The following KY variants were observed in gnomAD, a reference collection of about 807,000 sequenced individuals.
KY encodes the protein kyphoscoliosis peptidase.
Under a neutral mutation model 76.1 loss-of-function variants are expected in KY, and 43 were observed. The ratio of observed to expected loss-of-function variants is 0.57; its 90% confidence interval spans 0.44 to 0.73. KY has a LOEUF of 0.73. Among genes scored for constraint, KY ranks in the 30% least tolerant of loss-of-function variants. The pLI is 0.00. For missense variants in KY, 722 were observed against 828.9 expected (o/e 0.87, Z 1.58); for synonymous variants, 277 against 326.2 (o/e 0.85, Z 1.63).
intron 3 of KY, among the ~76,000 whole-genome samples, chr3:134,640,959 C>T (rs1965673145): frequency 6.6e-6 from 1 of 152,306 alleles, no homozygotes; most frequent in African/African-American, 2.4e-5. Context: ...AGAAGCCTCC[C>T]AGGCCCTGCC....
At chr3:134,623,357 G>GT (rs1056868180) in intron 6 of KY, among the ~76,000 whole-genome samples, 24 of 152,142 alleles carry the variant, frequency 1.6e-4, no homozygotes, top group African/African-American at 5.6e-4. Flanking sequence ...CACAGGTAAT[G>GT]GCCTGGCCTC....
chr3:134,607,710 A>G lies in KY; in HGVS notation c.1090+939T>C, dbSNP rs1190302567. ...GCCCCCGTATGCCTCAGAGTGTGCA[A>G]ACATACTCAGCTGCCATGGCTCCGT... On this transcript the variant is annotated intron_variant, in intron 10 of 10. Coordinates refer to ENST00000423778, the MANE Select transcript of KY (RefSeq NM_178554.6). 8 of 985,826 alleles carry G rather than the reference A, an allele frequency of 8.1e-6. No homozygotes were observed. The African/African-American group carries it at 1.2e-4, about 15-fold the overall frequency. 61.1% of individuals were successfully genotyped at this position (985,826 alleles called of 1,614,324 possible).
rs202166514 is a variant in KY, at chr3:134,620,690, G to A, written c.592+59C>T. The A allele has an allele frequency of 3.7e-4, 442 of 1,200,076 alleles. 1 individual carries two copies. Among genetic ancestry groups the A allele is most frequent in the Non-Finnish European group, 8.7e-5 (71 of 818,236 alleles). 74.3% of individuals were successfully genotyped at this position (1,200,076 alleles called of 1,614,324 possible). A position where few individuals can be genotyped will look rare whatever the true frequency, so the allele number is the denominator to read the frequency against. On this transcript the variant is annotated intron_variant, in intron 7 of 10. Transcript: ENST00000423778. Reference sequence around the variant, plus strand: ...ACGTGAATAAGCTGATAGGAGCAGAGGCCTGCAGGGAATGGAAGCAAGGGA... The same window carrying A: ...ACGTGAATAAGCTGATAGGAGCAGAAGCCTGCAGGGAATGGAAGCAAGGGA...
intron 6 of KY, among the ~76,000 whole-genome samples, chr3:134,621,715 AGG>A (rs1373311019): frequency 3.9e-5 from 6 of 152,200 alleles, no homozygotes; most frequent in Non-Finnish European, 8.8e-5. Flanking sequence ...AACAGATAAA[AGG>A]GCATTCGTGA....
rs147028006 is a variant in KY at position 134,633,080 on chromosome 3, G to A, written c.263-3385C>T. 2.9e-4 allele frequency among the ~76,000 whole-genome samples: 44 copies of A among 152,174 alleles called. 1 individual carries two copies. The highest frequency in any genetic ancestry group is 1.0e-3 in the African/African-American group (43 of 41,572). On this transcript the variant is annotated intron_variant, in intron 3 of 10. Transcript: ENST00000423778. ...CTCATATAGGAAGCAGATAACCTAA[G>A]TATTCCCAATACCTATTTGTTAAAT... is the stretch of plus-strand genomic sequence containing the variant.
intron 8 of KY, among the ~76,000 whole-genome samples, chr3:134,617,188 G>A (rs928331791): frequency 1.3e-5 from 2 of 152,164 alleles, no homozygotes; most frequent in Non-Finnish European, 2.9e-5. Context: ...GGATAAAGAG[G>A]AATATATCCT....
intron 10 of KY, chr3:134,607,141 A>G (rs566354018): frequency 2.0e-6 from 2 of 985,422 alleles, no homozygotes; most frequent in South Asian, 9.4e-5. Context: ...GTTCTTTCCG[A>G]TATTTCCACG....
intron 3 of KY, chr3:134,640,035 A>G (rs1419152658): frequency 6.5e-6 from 1 of 154,630 alleles, no homozygotes. Flanking sequence ...AATTCATTCA[A>G]CCCACACACC....
At chr3:134,606,269 C>T (rs778762718) in intron 10 of KY, among the ~76,000 whole-genome samples, 7 of 152,178 alleles carry the variant, frequency 4.6e-5, no homozygotes, top group Non-Finnish European at 7.3e-5. Flanking sequence ...CCCCAGGGCT[C>T]CTTTGAAAAC....
At chr3:134,625,833 C>T (rs1963370022) in intron 5 of KY, among the ~76,000 whole-genome samples, 1 of 152,248 alleles carries the variant, frequency 6.6e-6, no homozygotes, top group Non-Finnish European at 1.5e-5. Flanking sequence ...TCACAGGGAG[C>T]CTGCTGACCA....
At chr3:134,638,741 C>T (rs1965316520) in intron 3 of KY, among the ~76,000 whole-genome samples, 1 of 152,238 alleles carries the variant, frequency 6.6e-6, no homozygotes, top group African/African-American at 2.4e-5. Flanking sequence ...GTTTCTTCCA[C>T]CTGACAGCTG....
chr3:134,607,549 G>A (rs1280444465), intron 10 of KY: 4 of 985,544 alleles, frequency 4.1e-6, no homozygotes, highest in East Asian at 1.1e-4. Context: ...GGACTGACCC[G>A]ACTTACAGGG....
intron 3 of KY, among the ~76,000 whole-genome samples, chr3:134,640,176 A>ATGAGTTCAGAC (rs1965560962): frequency 1.4e-5 from 2 of 141,318 alleles, no homozygotes; most frequent in Non-Finnish European, 3.1e-5. Flanking sequence ...ATTCCGAGCA[A>ATGAGTTCAGAC]TGAGTTCAGA....
intron 8 of KY, chr3:134,610,624 G>T (rs988307894): frequency 3.4e-5 from 16 of 465,430 alleles, no homozygotes; most frequent in Non-Finnish European, 5.7e-5. Flanking sequence ...TCCGCTGTCT[G>T]CTCCTCCCCT....
rs757507929 is a variant in KY, at chr3:134,643,327, T to A, written c.251A>T (p.Tyr84Phe). Residue 84 changes from tyrosine to phenylalanine, a missense_variant, in exon 3 of 11, where the codon TAC becomes TTC. Physicochemically the swap from Tyr to Phe is conservative, Grantham distance 22. Transcript: ENST00000423778. ...GGCGAATCACTTACCTTGGCTGTTG[T>A]AGGAAGTGATGACCTGGGGCTGCTG... ...HPQQPQVITS[Y>F]NSQGTQLTVE... 8 of 1,613,710 alleles carry A rather than the reference T, an allele frequency of 5.0e-6. No individual in the cohort carries two copies. In the South Asian group the frequency reaches 7.7e-5, roughly 16 times the overall value.
intron 10 of KY, 133 bp downstream of exon 10, chr3:134,608,516 C>G (rs765686775): frequency 2.5e-6 from 4 of 1,575,854 alleles, no homozygotes; most frequent in Non-Finnish European, 3.4e-6. Flanking sequence ...CACACACAAG[C>G]TTTGTGCTAA....
At chr3:134,618,679 A>C (rs1962028522) in intron 8 of KY, among the ~76,000 whole-genome samples, 1 of 152,192 alleles carries the variant, frequency 6.6e-6, no homozygotes, top group Admixed American at 6.5e-5. Context: ...CAGCGACTCC[A>C]AGAGTAGCCG....
At chr3:134,636,461 A>T (rs1047009828) in intron 3 of KY, among the ~76,000 whole-genome samples, 5 of 152,242 alleles carry the variant, frequency 3.3e-5, no homozygotes, top group African/African-American at 1.2e-4. Context: ...TGAGGCTTCC[A>T]TTCTCATTCT....
At chr3:134,624,203 T>A (rs1367653187) in intron 6 of KY, among the ~76,000 whole-genome samples, 1 of 152,038 alleles carries the variant, frequency 6.6e-6, no homozygotes, top group Non-Finnish European at 1.5e-5. Flanking sequence ...CCACACCCAC[T>A]GGTGTTAGAG....
Sources: gnomAD v4.1 joint callset for allele counts (sites outside exome capture counted in the v4.1 genomes callset) on GRCh38, gnomAD v4.1.1 for gene constraint, MANE v1.5 for transcripts, NCBI Gene and HGNC (gene_info 2026-07-23, HGNC 2026-07-21) for gene names.